The following RBFOX1 variants were observed in gnomAD, a reference collection of about 807,000 sequenced individuals.
The protein encoded by RBFOX1 is RNA binding fox-1 homolog 1.
A neutral mutation model predicts 57.7 loss-of-function variants in RBFOX1; 8 were observed. The observed-to-expected ratio is 0.14, with a 90% CI of 0.08 to 0.25. The LOEUF (loss-of-function observed/expected upper bound fraction) is 0.25. RBFOX1 is among the 10% of genes least tolerant of loss of function. The probability of loss-of-function intolerance (pLI) is 1.00; values close to 1 mark genes in which losing one functional copy is unlikely to be tolerated. For missense variants in RBFOX1, 611 were observed against 548.5 expected, an observed-to-expected ratio of 1.11 and a Z score of -1.14; for synonymous variants, 326 against 222.4, an observed-to-expected ratio of 1.47 and a Z score of -4.15.
Position 5,933,235 on chromosome 16 carries a change from T to C in RBFOX1, c.351+65900T>C, listed in dbSNP as rs117113409. ...GCGCCAGGAGCTTCATTAATAAAGATTGTTGCGAGGTTCCGATGTTGCCAG... is the reference window on the plus strand; with the variant it reads ...GCGCCAGGAGCTTCATTAATAAAGACTGTTGCGAGGTTCCGATGTTGCCAG... On this transcript the variant is annotated intron_variant, in intron 4 of 19. Transcript: ENST00000641259. Among the ~76,000 whole-genome samples the C allele has an allele frequency of 2.2e-3, 332 of 152,302 alleles. 1 individual carries two copies. Among genetic ancestry groups the C allele is most frequent in the Middle Eastern group, 6.8e-3 (2 of 294 alleles).
intron 4 of RBFOX1, among the ~76,000 whole-genome samples, chr16:7,429,960 A>T (rs2098662734): frequency 6.6e-6 from 1 of 152,190 alleles, no homozygotes; most frequent in South Asian, 2.1e-4. Flanking sequence ...GCATTGACCT[A>T]CTTACTTTCT....
chr16:6,008,789 G>C (rs771021376), intron 4 of RBFOX1, among the ~76,000 whole-genome samples: 1 of 152,192 alleles, frequency 6.6e-6, no homozygotes, highest in African/African-American at 2.4e-5. Context: ...GTGCTGTTCT[G>C]TGTTCTCCGT....
intron 10 of RBFOX1, among the ~76,000 whole-genome samples, chr16:7,626,772 GA>G (rs926476843): frequency 6.6e-6 from 1 of 151,672 alleles, no homozygotes; most frequent in Non-Finnish European, 1.5e-5. Context: ...AAGATTGGTT[GA>G]AAAAAAACAC....
At chr16:7,184,765 C>T (rs1056584013) in intron 4 of RBFOX1, among the ~76,000 whole-genome samples, 7 of 152,158 alleles carry the variant, frequency 4.6e-5, no homozygotes, top group African/African-American at 1.7e-4. Context: ...CTTTTCAAGT[C>T]AGAAACCTTA....
chr16:5,412,085 G>T (rs1411870338), intron 1 of RBFOX1, among the ~76,000 whole-genome samples: 1 of 152,190 alleles, frequency 6.6e-6, no homozygotes, highest in East Asian at 1.9e-4. Context: ...CCTGAAGGAG[G>T]TAGCCTGGAT....
chr16:5,991,645 G>GTTTTTTTTT (rs60004233), intron 4 of RBFOX1, among the ~76,000 whole-genome samples: 1 of 123,934 alleles, frequency 8.1e-6, no homozygotes, highest in Non-Finnish European at 1.8e-5. Flanking sequence ...TTATTAGATA[G>GTTTTTTTTT]TTTTTTTTTT....
intron 2 of RBFOX1, among the ~76,000 whole-genome samples, chr16:6,345,817 C>T (rs112607534): frequency 0.012 from 1,886 of 152,220 alleles, 31 homozygotes; most frequent in African/African-American, 0.036. Flanking sequence ...GAGGTCCTGA[C>T]GACATGTGCG....
rs146516973 is a variant in RBFOX1, at chr16:5,528,250, C to T, written c.258+60996C>T. On this transcript the variant is annotated intron_variant, in intron 2 of 2. Coordinates refer to the RBFOX1 transcript ENST00000585867. ...TCCTTTGTGCCCAGTGCTGAAGCTA[C>T]GGTGCCTATCAGTTTTCCGTGGGGG... 7.0e-3 allele frequency among the ~76,000 whole-genome samples: 1,066 copies of T among 152,214 alleles called. 9 individuals are homozygous for T. Among genetic ancestry groups the T allele is most frequent in the Middle Eastern group, 0.048 (14 of 294 alleles).
intron 1 of RBFOX1, among the ~76,000 whole-genome samples, chr16:6,077,904 G>C (rs983992065): frequency 6.6e-6 from 1 of 152,060 alleles, no homozygotes; most frequent in East Asian, 1.9e-4. Flanking sequence ...CCAAGGAGTA[G>C]ACATTGGAAG....
In RBFOX1 at chr16:6,209,415, C is replaced by G. The variant is rs539137983; in HGVS notation, c.-126-107580C>G. On this transcript the variant is annotated intron_variant, in intron 1 of 15. Transcript: ENST00000550418. ...AACAAAGAATGTACATCCAAACTTC[C>G]AAACTTCCTTGTTAATCCGTCTATT... Among the ~76,000 whole-genome samples the G allele has an allele frequency of 8.3e-4, 127 of 152,164 alleles. 1 individual carries two copies. The highest frequency in any genetic ancestry group is 6.2e-3 in the East Asian group (32 of 5,176).
At chr16:5,904,993 A>G (rs1156958852) in intron 4 of RBFOX1, among the ~76,000 whole-genome samples, 41 of 150,386 alleles carry the variant, frequency 2.7e-4, no homozygotes, top group African/African-American at 6.6e-4. Flanking sequence ...AAAAAAAAAA[A>G]AGAGAGGTAA....
intron 3 of RBFOX1, among the ~76,000 whole-genome samples, chr16:6,716,029 C>T (rs1349854905): frequency 1.3e-5 from 2 of 152,130 alleles, no homozygotes; most frequent in South Asian, 2.1e-4. Flanking sequence ...ATAAAGAAGC[C>T]ACTTACGGTT....
chr16:6,072,794 C>T (rs1333981836), intron 1 of RBFOX1, among the ~76,000 whole-genome samples: 4 of 151,978 alleles, frequency 2.6e-5, no homozygotes, highest in African/African-American at 9.7e-5. Context: ...GTTAAGATCT[C>T]ATAGTAAATG....
intron 2 of RBFOX1, among the ~76,000 whole-genome samples, chr16:6,432,707 C>T (rs1013725110): frequency 6.6e-6 from 1 of 151,808 alleles, no homozygotes; most frequent in Non-Finnish European, 1.5e-5. Context: ...AGGCTGGGTG[C>T]AATGGCTTAT....
intron 4 of RBFOX1, among the ~76,000 whole-genome samples, chr16:7,515,700 G>A (rs1174281062): frequency 6.6e-6 from 1 of 152,202 alleles, no homozygotes; most frequent in African/African-American, 2.4e-5. Context: ...GGTGCTGACT[G>A]CGGGTAAAGC....
chr16:5,998,227 T>G (rs535611602), intron 4 of RBFOX1, among the ~76,000 whole-genome samples: 1 of 152,242 alleles, frequency 6.6e-6, no homozygotes, highest in Non-Finnish European at 1.5e-5. Flanking sequence ...ATTCCTCTGA[T>G]GTGGAAGGTT....
At chr16:5,405,922 T>TAGGGAGAACGCTCTGGGGA (rs2066852900) in intron 1 of RBFOX1, among the ~76,000 whole-genome samples, 1 of 151,988 alleles carries the variant, frequency 6.6e-6, no homozygotes, top group African/African-American at 2.4e-5. Flanking sequence ...CAGGAGTCAG[T>TAGGGAGAACGCTCTGGGGA]AGGGAGAACG....
At chr16:7,304,183 G>A (rs61346918) in intron 4 of RBFOX1, 59,090 of 976,312 alleles carry the variant, frequency 0.061, 3,413 homozygotes, top group South Asian at 0.24. Context: ...GGAGGGAGGA[G>A]GAAAGAGGGG....
intron 2 of RBFOX1, among the ~76,000 whole-genome samples, chr16:6,353,928 T>C (rs1476827551): frequency 6.6e-6 from 1 of 152,080 alleles, no homozygotes; most frequent in African/African-American, 2.4e-5. Flanking sequence ...AGTCTCCTTT[T>C]CTAGAAGCAT....
Sources: gnomAD v4.1 joint callset for allele counts (sites outside exome capture counted in the v4.1 genomes callset) on GRCh38, gnomAD v4.1.1 for gene constraint, MANE v1.5 for transcripts, NCBI Gene and HGNC (gene_info 2026-07-23, HGNC 2026-07-21) for gene names.